MFAP2: variants seen among roughly 807,000 people sequenced by gnomAD.
MFAP2 encodes microfibril associated protein 2.
MFAP2 carries 23 observed loss-of-function variants against 30.6 expected under a neutral mutation model. The ratio of observed to expected loss-of-function variants is 0.75; its 90% CI spans 0.54 to 1.07. MFAP2 has a LOEUF of 1.07. MFAP2 is among the 50% of genes least tolerant of loss of function. The pLI is 0.00. For synonymous variants in MFAP2, 73 were observed against 85.7 expected (o/e 0.85, Z 0.82); for missense variants, 198 against 223.8 (o/e 0.88, Z 0.74).
chr1:16,975,177 T>A lies in MFAP2; in HGVS notation c.448+92A>T. The A allele has an allele frequency of 7.6e-7, 1 of 1,311,118 alleles. No homozygotes were observed. Among genetic ancestry groups the A allele is most frequent in the South Asian group, 1.3e-5 (1 of 78,864 alleles). The allele number at this position is 1,311,118 out of a possible 1,614,324, so 81.2% of individuals were successfully genotyped here. A position where few individuals can be genotyped will look rare whatever the true frequency, so the allele number is the denominator to read the frequency against. ...CTGGAAGTGGGCCTGGTGGATAATA[T>A]GTGTTGAATAAACATCAGGTGGGTG... On this transcript the variant is annotated intron_variant, in intron 8 of 8. Coordinates refer to ENST00000375535, the MANE Select transcript of MFAP2 (RefSeq NM_002403.4). The surrounding 1 kb of genome is among the most constrained non-coding windows in gnomAD (Gnocchi z 5.0).
chr1:16,975,633 C>T lies in MFAP2; in HGVS notation c.374+10G>A. 1 of 1,613,488 alleles carries T rather than the reference C, an allele frequency of 6.2e-7. No individual in the cohort carries two copies. The highest frequency in any genetic ancestry group is 8.5e-7 in the Non-Finnish European group (1 of 1,179,512). On this transcript the variant is annotated intron_variant, in intron 7 of 8. Coordinates refer to ENST00000375535, the MANE Select transcript of MFAP2 (RefSeq NM_002403.4). This position sits in a 1 kb window ranked among gnomAD's most constrained non-coding sequence, Gnocchi z 5.0. ...CGGAATCCTCCCGACAGCTGCCCAT[C>T]TGTGCTCACCTGTAGAAGCAGACCT...
rs945864548 is a variant in MFAP2, at chr1:16,976,822, T to C, written c.155-28A>G. 2.1e-5 allele frequency: 34 copies of C among 1,614,000 alleles called. No individual in the cohort carries two copies. Among genetic ancestry groups the C allele is most frequent in the Non-Finnish European group, 2.9e-5 (34 of 1,179,948 alleles). On this transcript the variant is annotated intron_variant, in intron 4 of 8. Transcript: ENST00000375535. This position sits in a 1 kb window ranked among gnomAD's most constrained non-coding sequence, Gnocchi z 5.5. ...GCAGCCAGGGGAGGATAAGGGGGTC[T>C]GCTCCCTCTACCCCTCCCAGGGGGT...
intron 2 of MFAP2, chr1:16,977,819 C>A: frequency 5.7e-6 from 1 of 175,484 alleles, no homozygotes; most frequent in Non-Finnish European, 1.2e-5. Flanking sequence ...CATTGATTCT[C>A]TTCATTTGGC....
rs182139127 is a variant in MFAP2, at chr1:16,976,694, G to T, written c.241+14C>A. On this transcript the variant is annotated intron_variant, in intron 5 of 8. Coordinates refer to ENST00000375535, the MANE Select transcript of MFAP2 (RefSeq NM_002403.4). The surrounding 1 kb of genome is among the most constrained non-coding windows in gnomAD (Gnocchi z 5.5). ...CAGGAGCTGAGACGGGTGGGAGCAG[G>T]GTCTGGGGCCTACCTGGGGTTGGGG... 1,079 of 1,613,392 alleles carry T rather than the reference G, an allele frequency of 6.7e-4. 4 individuals are homozygous for T. In the African/African-American group the frequency reaches 0.013, roughly 20 times the overall value.
In MFAP2 at chr1:16,976,225, C is replaced by T. The variant is rs2076590268; in HGVS notation, c.286+276G>A. On this transcript the variant is annotated intron_variant, in intron 6 of 8. Coordinates refer to ENST00000375535, the MANE Select transcript of MFAP2 (RefSeq NM_002403.4). This position sits in a 1 kb window ranked among gnomAD's most constrained non-coding sequence, Gnocchi z 5.5. Reference sequence around the variant, plus strand: ...TCAGTCTCTCTGGCTGGCAGGAAGCCCCCAGCACACTCCCTGCCCCTCCCA... The same window carrying T: ...TCAGTCTCTCTGGCTGGCAGGAAGCTCCCAGCACACTCCCTGCCCCTCCCA... 5.1e-6 allele frequency: 3 copies of T among 583,006 alleles called. No homozygotes were observed. The highest frequency in any genetic ancestry group is 9.2e-6 in the Non-Finnish European group (3 of 326,644). The allele number at this position is 583,006 out of a possible 1,614,324, so 36.1% of individuals were successfully genotyped here.
intron 2 of MFAP2, chr1:16,977,991 A>T: frequency 2.1e-6 from 1 of 467,634 alleles, no homozygotes; most frequent in South Asian, 2.6e-5. Flanking sequence ...TGTGCCTGGG[A>T]CGTGCCCTCC....
rs528504779 is a variant in MFAP2 at position 16,978,380 on chromosome 1, A to T, written c.-41-66T>A. ...CCCAGGACAGCAGAGCTCACCTTTGATCCCCTGATTTCGCCCTGGAGAAGG... is the reference window on the plus strand; with the variant it reads ...CCCAGGACAGCAGAGCTCACCTTTGTTCCCCTGATTTCGCCCTGGAGAAGG... On this transcript the variant is annotated intron_variant, in intron 1 of 8. Transcript: ENST00000375535. The T allele has an allele frequency of 4.0e-4, 536 of 1,355,658 alleles. 5 individuals carry two copies. In the South Asian group the frequency reaches 6.8e-3, roughly 17 times the overall value. 84.0% of individuals were successfully genotyped at this position (1,355,658 alleles called of 1,614,324 possible).
In MFAP2 at chr1:16,975,241, G is replaced by A; in HGVS notation, c.448+28C>T. On this transcript the variant is annotated intron_variant, in intron 8 of 8. Coordinates refer to ENST00000375535, the MANE Select transcript of MFAP2 (RefSeq NM_002403.4). This position sits in a 1 kb window ranked among gnomAD's most constrained non-coding sequence, Gnocchi z 5.0. ...ATAATGATGCGGGTGTGGGGACAGG[G>A]GAGGTCTTGGGGAGGTGGCCTTCCT... 1 of 1,601,470 alleles carries A rather than the reference G, an allele frequency of 6.2e-7. No homozygotes were observed. The highest frequency in any genetic ancestry group is 1.1e-5 in the South Asian group (1 of 90,098).
chr1:16,979,780 C>G (rs1269663623), intron 1 of MFAP2, among the ~76,000 whole-genome samples: 1 of 152,204 alleles, frequency 6.6e-6, no homozygotes, highest in African/African-American at 2.4e-5. Context: ...GGGGAGTCTT[C>G]CTCCCCTAGG....
Position 16,976,789 on chromosome 1 carries a change from T to A in MFAP2, c.160A>T (p.Thr54Ser). ...NPDYYDYQEV[T>S]PRPSEEQFQF... is the part of the protein sequence containing the mutation. Reference sequence around the variant, plus strand: ...AACTGTTCCTCGGAGGGCCGAGGAGTCACCTCTGCAGCCAGGGGAGGATAA... The same window carrying A: ...AACTGTTCCTCGGAGGGCCGAGGAGACACCTCTGCAGCCAGGGGAGGATAA... Residue 54 changes from threonine to serine, a missense_variant, in exon 5 of 9, where the codon ACT becomes TCT. Coordinates refer to ENST00000375535, the MANE Select transcript of MFAP2 (RefSeq NM_002403.4). This position sits in a 1 kb window ranked among gnomAD's most constrained non-coding sequence, Gnocchi z 5.5. The A allele has an allele frequency of 1.2e-6, 2 of 1,613,506 alleles. No individual in the cohort carries two copies. The highest frequency in any genetic ancestry group is 1.7e-6 in the Non-Finnish European group (2 of 1,179,816).
At chr1:16,978,346 A>G in intron 1 of MFAP2, 32 bp from the exon 2 acceptor site, 1 of 1,513,776 alleles carries the variant, frequency 6.6e-7, no homozygotes, top group Non-Finnish European at 9.0e-7. Context: ...AGCTCTACCC[A>G]GGGCCACACC....
intron 1 of MFAP2, among the ~76,000 whole-genome samples, chr1:16,978,767 C>T (rs755059129): frequency 7.9e-5 from 12 of 152,216 alleles, no homozygotes; most frequent in South Asian, 2.1e-4. Context: ...CCGGCATCAC[C>T]GCCTGGACTC....
chr1:16,975,169 G>T lies in MFAP2; in HGVS notation c.448+100C>A. 7.6e-7 allele frequency: 1 copy of T among 1,311,998 alleles called. No homozygotes were observed. The highest frequency in any genetic ancestry group is 1.1e-6 in the Non-Finnish European group (1 of 925,018). 81.3% of individuals were successfully genotyped at this position (1,311,998 alleles called of 1,614,324 possible). On this transcript the variant is annotated intron_variant, in intron 8 of 8. Coordinates refer to ENST00000375535, the MANE Select transcript of MFAP2 (RefSeq NM_002403.4). This position sits in a 1 kb window ranked among gnomAD's most constrained non-coding sequence, Gnocchi z 5.0. Reference sequence around the variant, plus strand: ...AGGGTGTCCTGGAAGTGGGCCTGGTGGATAATATGTGTTGAATAAACATCA... The same window carrying T: ...AGGGTGTCCTGGAAGTGGGCCTGGTTGATAATATGTGTTGAATAAACATCA...
chr1:16,976,472 A>C lies in MFAP2; in HGVS notation c.286+29T>G. The C allele has an allele frequency of 6.2e-7, 1 of 1,613,902 alleles. No individual in the cohort carries two copies. ...CACCCCAACTTCAGGGCGTGCCTCC[A>C]TTTTTCCAGCTGTCAAGAAAGCCCT... is the stretch of plus-strand genomic sequence containing the variant. On this transcript the variant is annotated intron_variant, in intron 6 of 8. Coordinates refer to ENST00000375535, the MANE Select transcript of MFAP2 (RefSeq NM_002403.4). This position sits in a 1 kb window ranked among gnomAD's most constrained non-coding sequence, Gnocchi z 5.5.
chr1:16,977,170 G>T lies in MFAP2; in HGVS notation c.66C>A (p.Asp22Glu). The T allele has an allele frequency of 6.2e-7, 1 of 1,613,518 alleles. No homozygotes were observed. Among genetic ancestry groups the T allele is most frequent in the Non-Finnish European group, 8.5e-7 (1 of 1,179,948 alleles). The change falls in exon 3 of 9, where the codon GAC becomes GAA. Residue 22 changes from aspartate to glutamate, a missense_variant. Transcript: ENST00000375535. ...PAGLLAQGQYDLDPLPPFPDH... is the reference protein window; with the variant it reads ...PAGLLAQGQYELDPLPPFPDH... ...CAGGGAACGGCGGCAGCGGGTCCAG[G>T]TCATACTGGCCCTGAGCCAGCAAGC...
In MFAP2 at chr1:16,978,327, C is replaced by G; in HGVS notation, c.-41-13G>C. On this transcript the variant is annotated splice_polypyrimidine_tract_variant and intron_variant, in intron 1 of 8. Transcript: ENST00000375535. ...TCAGAGAGGACAGCTGGGGAAAGAC[C>G]GGTGGGAGAGCTCTACCCAGGGCCA... 6.4e-7 allele frequency: 1 copy of G among 1,550,420 alleles called. No individual in the cohort carries two copies. Among genetic ancestry groups the G allele is most frequent in the Non-Finnish European group, 8.7e-7 (1 of 1,143,746 alleles).
At chr1:16,978,137 G>A (rs960394684) in intron 2 of MFAP2, 100 bp downstream of exon 2, 148 of 1,344,084 alleles carry the variant, frequency 1.1e-4, no homozygotes, top group Non-Finnish European at 1.4e-4. Flanking sequence ...CTGAGTTCTG[G>A]TCATAAGTCG....
intron 1 of MFAP2, among the ~76,000 whole-genome samples, chr1:16,979,297 G>A (rs1339277275): frequency 3.3e-5 from 5 of 152,206 alleles, no homozygotes; most frequent in Admixed American, 6.5e-5. Context: ...TCTGTAGGGA[G>A]GGCTGCGAGG....
chr1:16,980,266 G>GGGCCCCCCCCCCCCCCCCC (rs1557656617), intron 1 of MFAP2, among the ~76,000 whole-genome samples: 1 of 66,636 alleles, frequency 1.5e-5, no homozygotes, highest in Non-Finnish European at 3.2e-5. Context: ...ATTCCCACCG[G>GGGCCCCCCCCCCCCCCCCC]ACCCCCCCCC....
Sources: gnomAD v4.1 joint callset for allele counts (sites outside exome capture counted in the v4.1 genomes callset) on GRCh38, gnomAD v4.1.1 for gene constraint, Gnocchi (gnomAD v3.1) non-coding constraint, MANE v1.5 for transcripts, NCBI Gene and HGNC (gene_info 2026-07-23, HGNC 2026-07-21) for gene names.